IFT52: variants seen among roughly 807,000 people sequenced by gnomAD.
The protein encoded by IFT52 is intraflagellar transport protein 52 homolog.
Under a neutral mutation model 54.4 loss-of-function variants are expected in IFT52, and 44 were observed. The observed-to-expected ratio is 0.81, with a 90% confidence interval of 0.63 to 1.04. The LOEUF is 1.04. Among genes scored for constraint, IFT52 ranks in the 50% least tolerant of loss-of-function variants. IFT52 has a pLI of 0.00. For synonymous variants in IFT52, 181 were observed against 185.3 expected, an observed-to-expected ratio of 0.98 and a Z score of 0.19; for missense variants, 452 against 523.6, an observed-to-expected ratio of 0.86 and a Z score of 1.33.
rs2145622783 is a variant in IFT52, at chr20:43,614,760, G to GCA, written c.612+787_612+788dup. ...TCCTAGAGACCCCATAGAAATGTGG[G>GCA]CACAGCTAGTCCCAGGCAGTGACCC... On this transcript the variant is annotated intron_variant, in intron 7 of 13. Transcript: ENST00000373030. 1.3e-5 allele frequency among the ~76,000 whole-genome samples: 2 copies of GCA among 151,124 alleles called. 1 individual carries two copies. The highest frequency in any genetic ancestry group is 4.2e-4 in the South Asian group (2 of 4,790).
At chr20:43,596,990 C>T (rs919500975) in intron 3 of IFT52, among the ~76,000 whole-genome samples, 2 of 151,634 alleles carry the variant, frequency 1.3e-5, no homozygotes, top group Non-Finnish European at 2.9e-5. Flanking sequence ...ATCTGCCTAC[C>T]TCAGCCTCCC....
intron 2 of IFT52, among the ~76,000 whole-genome samples, 178 bp from the exon 3 acceptor site, chr20:43,596,257 T>C (rs1430994950): frequency 6.6e-6 from 1 of 152,198 alleles, no homozygotes; most frequent in Non-Finnish European, 1.5e-5. Context: ...CAGATGACTC[T>C]GGGGCAGGCC....
intron 10 of IFT52, among the ~76,000 whole-genome samples, chr20:43,633,681 C>T (rs574295831): frequency 6.6e-6 from 1 of 152,194 alleles, no homozygotes; most frequent in East Asian, 1.9e-4. Flanking sequence ...GCACTCCAGC[C>T]TGGGCGACAG....
chr20:43,625,704 C>T (rs902944989), intron 10 of IFT52, among the ~76,000 whole-genome samples: 1 of 152,042 alleles, frequency 6.6e-6, no homozygotes, highest in Non-Finnish European at 1.5e-5. Context: ...CCATCGTGGC[C>T]ACTGCAGAGT....
rs950487807 is a variant in IFT52, at chr20:43,613,689, G to A, written c.486-161G>A. On this transcript the variant is annotated intron_variant, in intron 6 of 13. Transcript: ENST00000373030. ...GCAGAACAGCTTAAACCTGAGAGGC[G>A]GAGGTTACAGTGAGCCAAGATCGCA... Among the ~76,000 whole-genome samples, 17 of 152,198 alleles carry A rather than the reference G, an allele frequency of 1.1e-4. 1 individual carries two copies. Among genetic ancestry groups the A allele is most frequent in the Admixed American group, 7.2e-4 (11 of 15,278 alleles).
In IFT52 at chr20:43,594,674, C is replaced by T. The variant is rs746827895; in HGVS notation, c.-6-19C>T. On this transcript the variant is annotated intron_variant, in intron 1 of 13. Coordinates refer to ENST00000373030, the MANE Select transcript of IFT52 (RefSeq NM_016004.5). ...GAATATTGTTTATTGATTTTCTGAT[C>T]CCATCTTTCTTCCATAAGGTAACCA... is the stretch of plus-strand genomic sequence containing the variant. 3.9e-6 allele frequency: 5 copies of T among 1,271,728 alleles called. No individual in the cohort carries two copies. The highest frequency in any genetic ancestry group is 5.7e-6 in the Non-Finnish European group (5 of 872,044). 78.8% of individuals were successfully genotyped at this position (1,271,728 alleles called of 1,614,324 possible). A position where few individuals can be genotyped will look rare whatever the true frequency, so the allele number is the denominator to read the frequency against.
rs1417688358 is a variant in IFT52 at position 43,614,117 on chromosome 20, T to A, written c.612+141T>A. ...CCTGCAAAGTAGCATTTCAGCTATA[T>A]ACATTTTGCTTATGGGGAAACAGTG... On this transcript the variant is annotated intron_variant, in intron 7 of 13. Coordinates refer to ENST00000373030, the MANE Select transcript of IFT52 (RefSeq NM_016004.5). 11 of 723,980 alleles carry A rather than the reference T, an allele frequency of 1.5e-5. No homozygotes were observed. The Admixed American group carries it at 2.0e-4, about 13-fold the overall frequency. The allele number at this position is 723,980 out of a possible 1,614,324, so 44.8% of individuals were successfully genotyped here. A position where few individuals can be genotyped will look rare whatever the true frequency, so the allele number is the denominator to read the frequency against.
Position 43,635,934 on chromosome 20 carries a change from A to G in IFT52, c.932A>G (p.Glu311Gly), listed in dbSNP as rs1214292005. 2 of 1,614,154 alleles carry G rather than the reference A, an allele frequency of 1.2e-6. No individual in the cohort carries two copies. Among genetic ancestry groups the G allele is most frequent in the Admixed American group, 3.3e-5 (2 of 60,012 alleles). ...TTTGATTATGAACACAGGGCTCACG[A>G]GCAGCTAAATGTGAAACATGAACCA... is the stretch of plus-strand genomic sequence containing the variant. The part of the protein sequence containing the change: ...TSFHSVIEAH[E>G]QLNVKHEPLQ... The change falls in exon 11 of 14, where the codon GAG becomes GGG. Residue 311 changes from glutamate to glycine, a missense_variant. By Grantham distance (98) the Glu-to-Gly change is moderately conservative (BLOSUM62 -2). Coordinates refer to ENST00000373030, the MANE Select transcript of IFT52 (RefSeq NM_016004.5).
chr20:43,607,374 A>G (rs1257958487), intron 6 of IFT52, among the ~76,000 whole-genome samples: 4 of 126,000 alleles, frequency 3.2e-5, no homozygotes, highest in East Asian at 2.6e-4. Context: ...CTTCCCAGAC[A>G]GGGTGGCTGC....
At chr20:43,595,771 A>G (rs924595350) in intron 2 of IFT52, among the ~76,000 whole-genome samples, 2 of 151,762 alleles carry the variant, frequency 1.3e-5, no homozygotes, top group African/African-American at 4.8e-5. Flanking sequence ...CTATAATCCC[A>G]GCTACTAAGG....
At chr20:43,640,047 C>T (rs1290015446) in intron 12 of IFT52, among the ~76,000 whole-genome samples, 1 of 151,948 alleles carries the variant, frequency 6.6e-6, no homozygotes, top group Non-Finnish European at 1.5e-5. Context: ...TCCTGTAGTA[C>T]CAGCTACTCA....
chr20:43,591,299 G>A (rs2091939244), intron 1 of IFT52, among the ~76,000 whole-genome samples: 1 of 152,246 alleles, frequency 6.6e-6, no homozygotes, highest in Non-Finnish European at 1.5e-5. Flanking sequence ...AGCATGGGAC[G>A]AGGAATCGTA....
chr20:43,636,565 A>G lies in IFT52; in HGVS notation c.1011+552A>G, dbSNP rs1008222836. 7.0e-4 allele frequency among the ~76,000 whole-genome samples: 106 copies of G among 152,306 alleles called. 1 individual carries two copies. Among genetic ancestry groups the G allele is most frequent in the Non-Finnish European group, 2.9e-4 (20 of 68,030 alleles). Reference sequence around the variant, plus strand: ...ATTACAGAAAATGGTAAATGCTACAAAACAGGCCTTCAGTTTTGTTTTGTT... The same window carrying G: ...ATTACAGAAAATGGTAAATGCTACAGAACAGGCCTTCAGTTTTGTTTTGTT... On this transcript the variant is annotated intron_variant, in intron 11 of 13. Coordinates refer to ENST00000373030, the MANE Select transcript of IFT52 (RefSeq NM_016004.5).
In IFT52 at chr20:43,624,166, G is replaced by A. The variant is rs990299085; in HGVS notation, c.923+121G>A. 3 of 1,073,592 alleles carry A rather than the reference G, an allele frequency of 2.8e-6. No individual in the cohort carries two copies. In the African/African-American group the frequency reaches 4.7e-5, roughly 17 times the overall value. 66.5% of individuals were successfully genotyped at this position (1,073,592 alleles called of 1,614,324 possible). A position where few individuals can be genotyped will look rare whatever the true frequency, so the allele number is the denominator to read the frequency against. ...ATGTGGCATGCAGAACATGTTCTCA[G>A]ATCTATGATGAGGTCAACAAAGAAA... On this transcript the variant is annotated intron_variant, in intron 10 of 13. Coordinates refer to ENST00000373030, the MANE Select transcript of IFT52 (RefSeq NM_016004.5).
intron 7 of IFT52, 38 bp downstream of exon 7, chr20:43,614,014 T>C: frequency 6.4e-7 from 1 of 1,552,024 alleles, no homozygotes; most frequent in Non-Finnish European, 8.8e-7. Context: ...GATGTTATTT[T>C]TATTGTTGAA....
chr20:43,595,632 T>A (rs1198459678), intron 2 of IFT52, among the ~76,000 whole-genome samples: 1 of 152,160 alleles, frequency 6.6e-6, no homozygotes, highest in Non-Finnish European at 1.5e-5. Context: ...ATGCCTGTAA[T>A]CCCAGCACTT....
intron 10 of IFT52, among the ~76,000 whole-genome samples, chr20:43,628,760 A>G (rs1372632733): frequency 6.6e-6 from 1 of 152,078 alleles, no homozygotes; most frequent in African/African-American, 2.4e-5. Flanking sequence ...CTGAGGCAGA[A>G]GAATCTCTTG....
At position 43,617,407 on chromosome 20, in the gene IFT52, C is replaced by G. The variant is rs567196824; in HGVS notation, c.613-1533C>G. On this transcript the variant is annotated intron_variant, in intron 7 of 13. Transcript: ENST00000373030. ...TTGAAAATTTTTCTTATTAACCAGT[C>G]ATTATTTTATGACTCTCTCATGCTT... Among the ~76,000 whole-genome samples the G allele has an allele frequency of 1.7e-3, 260 of 150,988 alleles. 1 individual carries two copies. Among genetic ancestry groups the G allele is most frequent in the Non-Finnish European group, 3.2e-3 (219 of 67,842 alleles).
chr20:43,619,429 G>T (rs1433838630), intron 8 of IFT52, among the ~76,000 whole-genome samples: 4 of 152,028 alleles, frequency 2.6e-5, no homozygotes, highest in South Asian at 4.1e-4. Flanking sequence ...TTCTTTTTTT[G>T]TTGTTGTTGT....
Sources: gnomAD v4.1 joint callset for allele counts (sites outside exome capture counted in the v4.1 genomes callset) on GRCh38, gnomAD v4.1.1 for gene constraint, MANE v1.5 for transcripts, NCBI Gene and HGNC (gene_info 2026-07-23, HGNC 2026-07-21) for gene names.